Variants in ARID3C observed in about 807,000 individuals in gnomAD.
ARID3C encodes AT-rich interactive domain-containing protein 3C.
In ARID3C, 42 loss-of-function variants were observed where a neutral mutation model predicts 37.9. That is an observed-to-expected ratio of 1.11 (90% CI 0.87 to 1.43). The LOEUF is 1.43. Among genes scored for constraint, ARID3C ranks in the 40% most tolerant of loss-of-function variants. The pLI, the probability that ARID3C is intolerant of heterozygous loss-of-function variation, is 0.00. For missense variants in ARID3C, 581 were observed against 548.8 expected (o/e 1.06, Z -0.59); for synonymous variants, 213 against 228.0 (o/e 0.93, Z 0.59).
chr9:34,624,920 G>T (rs1473456396), intron 2 of ARID3C, among the ~76,000 whole-genome samples: 2 of 152,176 alleles, frequency 1.3e-5, no homozygotes, highest in African/African-American at 2.4e-5. Context: ...GCCAGAGAGG[G>T]AACACTGGAA....
intron 1 of ARID3C, among the ~76,000 whole-genome samples, chr9:34,626,454 G>T (rs1481631961): frequency 6.6e-6 from 1 of 152,102 alleles, no homozygotes; most frequent in Non-Finnish European, 1.5e-5. Context: ...GACCTGTGGG[G>T]TCAGAGTTTA....
chr9:34,621,651 G>A, intron 6 of ARID3C, 93 bp from the exon 8 acceptor site: 5 of 951,198 alleles, frequency 5.3e-6, no homozygotes, highest in South Asian at 1.6e-5. Flanking sequence ...TAAGTGTTCT[G>A]GTTGCTAGAA....
chr9:34,623,277 C>T (rs1425989383), intron 4 of ARID3C, 148 bp downstream of exon 5: 3 of 960,254 alleles, frequency 3.1e-6, no homozygotes, highest in East Asian at 6.2e-5. Flanking sequence ...CCTTAGTGAC[C>T]CCCAAACCTC....
chr9:34,625,744 C>A, exon 2 of ARID3C: 5 of 1,614,032 alleles, frequency 3.1e-6, no homozygotes, highest in Non-Finnish European at 3.4e-6. Flanking sequence ...CCACTCACCC[C>A]TCTTTTGCAT....
At chr9:34,623,597 A>G (rs750934791) in exon 4 of ARID3C, 77 of 1,609,082 alleles carry the variant, frequency 4.8e-5, no homozygotes, top group Non-Finnish European at 6.3e-5. Flanking sequence ...AGAGCGGAGT[A>G]GCGGTGTAAG....
chr9:34,622,166 A>T, intron 5 of ARID3C, 57 bp from the exon 7 acceptor site: 1 of 1,604,432 alleles, frequency 6.2e-7, no homozygotes. Context: ...CTGACTTATT[A>T]ATAGAATTTC....
At chr9:34,627,634 C>G in intron 1 of ARID3C, 63 bp downstream of exon 2, 2 of 1,480,614 alleles carry the variant, frequency 1.4e-6, no homozygotes, top group Non-Finnish European at 1.8e-6. Context: ...AATCACCTGG[C>G]TGTGCTTTTG....
intron 4 of ARID3C, 93 bp from the exon 6 acceptor site, chr9:34,622,622 G>A (rs1820591392): frequency 2.3e-6 from 3 of 1,278,302 alleles, no homozygotes; most frequent in Admixed American, 2.5e-5. Context: ...GGTAACTCAA[G>A]CTCATGTACC....
upstream of ARID3C, among the ~76,000 whole-genome samples, chr9:34,630,055 A>G (rs553158768): frequency 6.6e-6 from 1 of 152,294 alleles, no homozygotes; most frequent in African/African-American, 2.4e-5. Context: ...GAGCTACCGT[A>G]CCCAGCCTGT....
upstream of ARID3C, among the ~76,000 whole-genome samples, chr9:34,629,224 G>A (rs1251550564): frequency 6.6e-6 from 1 of 152,332 alleles, no homozygotes; most frequent in East Asian, 1.9e-4. Context: ...GAAAGCTGCG[G>A]GGGAATCGTG....
At chr9:34,622,677 A>T (rs1820592007) in intron 4 of ARID3C, 148 bp from the exon 6 acceptor site, 5 of 820,742 alleles carry the variant, frequency 6.1e-6, no homozygotes, top group Non-Finnish European at 9.0e-6. Flanking sequence ...CCAGAGCCTC[A>T]GCCTGGAAGC....
Position 34,625,831 on chromosome 9 carries a change from G to A in ARID3C, c.319-17C>T. ...CTCATACAGCTGGGGAAGGATTGGGGTCATTCTACAGCTCTGCTGACTCCC... is the reference window on the plus strand; with the variant it reads ...CTCATACAGCTGGGGAAGGATTGGGATCATTCTACAGCTCTGCTGACTCCC... On this transcript the variant is annotated splice_polypyrimidine_tract_variant and intron_variant, in intron 1 of 6. Coordinates refer to ENST00000378909, the Ensembl canonical transcript of ARID3C. The A allele has an allele frequency of 1.2e-6, 2 of 1,613,648 alleles. No individual in the cohort carries two copies. Among genetic ancestry groups the A allele is most frequent in the Non-Finnish European group, 1.7e-6 (2 of 1,179,704 alleles).
At chr9:34,626,231 G>A (rs192396295) in intron 1 of ARID3C, among the ~76,000 whole-genome samples, 18 of 152,308 alleles carry the variant, frequency 1.2e-4, no homozygotes, top group African/African-American at 4.3e-4. Context: ...ATTCATGCAA[G>A]GACTTCATGG....
intron 2 of ARID3C, among the ~76,000 whole-genome samples, chr9:34,624,876 C>G (rs973977924): frequency 1.3e-5 from 2 of 152,192 alleles, no homozygotes; most frequent in Admixed American, 6.5e-5. Context: ...GGTTCACACC[C>G]GCTACCCCAG....
exon 1 of ARID3C, chr9:34,627,823 C>T (rs1198406148): frequency 1.2e-6 from 2 of 1,612,292 alleles, no homozygotes; most frequent in Non-Finnish European, 1.7e-6. Context: ...CCCCGGCTTC[C>T]TCCCGCTTCT....
chr9:34,627,821 TC>T lies in ARID3C; in HGVS notation c.193del (p.Glu65LysfsTer70). ...AGCTGCCTCCTCCTCTGCCCCGGCT[TC>T]CTCCCGCTTCTCCTCATCTTCTTCA... On this transcript the variant is annotated frameshift_variant, in exon 1 of 7. Coordinates refer to ENST00000378909, the Ensembl canonical transcript of ARID3C. LOFTEE classifies it high-confidence loss of function. 1 of 1,612,570 alleles carries T rather than the reference TC, an allele frequency of 6.2e-7. No individual in the cohort carries two copies. The highest frequency in any genetic ancestry group is 8.5e-7 in the Non-Finnish European group (1 of 1,179,408).
At chr9:34,630,280 C>T (rs906418201), upstream of ARID3C, among the ~76,000 whole-genome samples, 2 of 152,102 alleles carry the variant, frequency 1.3e-5, no homozygotes, top group African/African-American at 2.4e-5. Flanking sequence ...AATGCTGTTC[C>T]TTATTTGGGG....
At chr9:34,630,156 G>A (rs949781331), upstream of ARID3C, among the ~76,000 whole-genome samples, 12 of 152,070 alleles carry the variant, frequency 7.9e-5, no homozygotes, top group African/African-American at 2.4e-4. Context: ...CCGGCACTTC[G>A]CCCATGTTCA....
At chr9:34,630,147 C>A (rs1194728884), upstream of ARID3C, among the ~76,000 whole-genome samples, 1 of 152,106 alleles carries the variant, frequency 6.6e-6, no homozygotes, top group Non-Finnish European at 1.5e-5. Context: ...CAACAGTGAC[C>A]GGCACTTCGC....
Sources: allele counts gnomAD v4.1 joint callset (sites outside exome capture counted in the v4.1 genomes callset), GRCh38; gene constraint gnomAD v4.1.1; transcripts MANE v1.5; gene names NCBI Gene and HGNC (gene_info 2026-07-23, HGNC 2026-07-21).